Variants in GGPS1 observed in about 807,000 individuals in gnomAD.
The protein encoded by GGPS1 is geranylgeranyl diphosphate synthase 1.
GGPS1 carries 15 observed loss-of-function variants against 28.1 expected under a neutral mutation model. That is an observed-to-expected ratio of 0.53 (90% CI 0.36 to 0.82). GGPS1 has a LOEUF of 0.82. Ranked by LOEUF, GGPS1 falls within the 40% of genes least tolerant of loss-of-function variation. The probability of loss-of-function intolerance (pLI) is 0.01; values close to 1 mark genes in which losing one functional copy is unlikely to be tolerated. For synonymous variants in GGPS1, 138 were observed against 122.4 expected (o/e 1.13, Z -0.84); for missense variants, 284 against 348.3 (o/e 0.82, Z 1.47).
intron 2 of GGPS1, 83 bp downstream of exon 2, chr1:235,335,417 C>A: frequency 3.1e-6 from 2 of 652,144 alleles, no homozygotes; most frequent in South Asian, 1.9e-5. Context: ...AAAGGTTAGA[C>A]TTGCTAGCCG....
chr1:235,336,072 G>C (rs1675854307), intron 2 of GGPS1, among the ~76,000 whole-genome samples: 1 of 152,124 alleles, frequency 6.6e-6, no homozygotes, highest in African/African-American at 2.4e-5. Context: ...GTACGTGTGT[G>C]TTTTTGTTTT....
chr1:235,333,233 T>C (rs1675771432), intron 1 of GGPS1, among the ~76,000 whole-genome samples: 1 of 151,860 alleles, frequency 6.6e-6, no homozygotes, highest in African/African-American at 2.4e-5. Context: ...AAGATGCATA[T>C]TTAAATTGAA....
Position 235,331,322 on chromosome 1 carries a change from A to G in GGPS1, c.-24+2544A>G, listed in dbSNP as rs536759823. Among the ~76,000 whole-genome samples, 12 of 152,318 alleles carry G rather than the reference A, an allele frequency of 7.9e-5. No individual in the cohort carries two copies. The South Asian group carries it at 1.7e-3, about 21-fold the overall frequency. The stretch of plus-strand genomic sequence containing the variant: ...TTTCATATAGATAAGAACAGACTAC[A>G]AAAAAATATGCCTTTCAATCCTGAA... On this transcript the variant is annotated intron_variant, in intron 1 of 3. Coordinates refer to ENST00000282841, the MANE Select transcript of GGPS1 (RefSeq NM_004837.4).
chr1:235,336,486 A>C (rs561211335), intron 2 of GGPS1, among the ~76,000 whole-genome samples: 21 of 152,270 alleles, frequency 1.4e-4, no homozygotes, highest in Admixed American at 3.9e-4. Context: ...TTGTATTAGA[A>C]TATTCTTTCT....
Position 235,343,724 on chromosome 1 carries a change from C to T in GGPS1, c.*952C>T, listed in dbSNP as rs913078652. The T allele has an allele frequency of 1.2e-5, 2 of 166,670 alleles. No homozygotes were observed. Among genetic ancestry groups the T allele is most frequent in the African/African-American group, 4.8e-5 (2 of 41,298 alleles). 10.3% of individuals were successfully genotyped at this position (166,670 alleles called of 1,614,324 possible). On this transcript the variant is annotated 3_prime_UTR_variant, in exon 4 of 4. Coordinates refer to ENST00000282841, the MANE Select transcript of GGPS1 (RefSeq NM_004837.4). ...TTTCTCCCTTGTAACATTTATGTGCCCCAAACTGGTTAGTATATGGGTACA... is the reference window on the plus strand; with the variant it reads ...TTTCTCCCTTGTAACATTTATGTGCTCCAAACTGGTTAGTATATGGGTACA...
chr1:235,329,464 G>A (rs1675615538), intron 1 of GGPS1: 1 of 152,512 alleles, frequency 6.6e-6, no homozygotes, highest in East Asian at 1.9e-4. Flanking sequence ...GAGAATGAGG[G>A]AATTTGGCTT....
chr1:235,341,985 A>T, intron 3 of GGPS1, 26 bp from the exon 4 acceptor site: 1 of 1,378,830 alleles, frequency 7.3e-7, no homozygotes, highest in East Asian at 2.3e-5. Flanking sequence ...AGTTCAAATA[A>T]GTGAAATTTT....
Position 235,342,346 on chromosome 1 carries a change from A to G in GGPS1, c.477A>G (p.Ala159=). The G allele has an allele frequency of 6.2e-7, 1 of 1,613,908 alleles. No individual in the cohort carries two copies. Among genetic ancestry groups the G allele is most frequent in the Non-Finnish European group, 8.5e-7 (1 of 1,179,716 alleles). The change falls in exon 4 of 4, where the codon GCA becomes GCG. Residue 159 remains alanine (A), a synonymous_variant. Coordinates refer to ENST00000282841, the MANE Select transcript of GGPS1 (RefSeq NM_004837.4). ...LQKTGGLFGL[A]VGLMQLFSDY... The stretch of plus-strand genomic sequence containing the variant: ...AAACAGGTGGACTGTTTGGATTAGC[A>G]GTAGGTCTCATGCAGTTGTTCTCTG...
At position 235,337,914 on chromosome 1, in the gene GGPS1, TGCCTTA is replaced by T. The variant is rs764200740; in HGVS notation, c.70+2582_70+2587del. ...CATCTTATGTTTATGTTTGTTTATT[TGCCTTA>T]GTGTGGGGCCCTAGATGAGGTGAAG... On this transcript the variant is annotated intron_variant, in intron 2 of 3. Coordinates refer to ENST00000282841, the MANE Select transcript of GGPS1 (RefSeq NM_004837.4). Among the ~76,000 whole-genome samples, 340 of 152,150 alleles carry T rather than the reference TGCCTTA, an allele frequency of 2.2e-3. 1 individual carries two copies. The highest frequency in any genetic ancestry group is 3.6e-3 in the Non-Finnish European group (242 of 68,008).
At chr1:235,328,254 A>G (rs1396395371), upstream of GGPS1, 1 of 100,544 alleles carries the variant, frequency 9.9e-6, no homozygotes, top group South Asian at 3.5e-4. Context: ...CCCCTCCCCT[A>G]CCTCTTTCCC....
intron 1 of GGPS1, chr1:235,329,339 C>T (rs1490109772): frequency 6.6e-6 from 1 of 152,250 alleles, no homozygotes; most frequent in Non-Finnish European, 1.5e-5. Flanking sequence ...GCGCCGACCA[C>T]TGGGGTGGCC....
intron 2 of GGPS1, among the ~76,000 whole-genome samples, chr1:235,341,226 C>G (rs1385979849): frequency 6.6e-6 from 1 of 152,082 alleles, no homozygotes; most frequent in Non-Finnish European, 1.5e-5. Context: ...ACTCAGGAGG[C>G]TGAGGCACGA....
At chr1:235,335,194 G>T in intron 1 of GGPS1, 48 bp from the exon 2 acceptor site, 1 of 795,230 alleles carries the variant, frequency 1.3e-6, no homozygotes. Context: ...GTTTGACACT[G>T]AAAGATGATT....
chr1:235,327,693 T>C (rs1259766452), upstream of GGPS1: 2 of 152,430 alleles, frequency 1.3e-5, no homozygotes, highest in South Asian at 2.1e-4. Context: ...GATCTTCCTC[T>C]GCTCCTTGGC....
intron 1 of GGPS1, chr1:235,329,943 G>A (rs1019449890): frequency 2.0e-5 from 3 of 152,196 alleles, no homozygotes; most frequent in African/African-American, 7.2e-5. Flanking sequence ...ATTTCTGGCA[G>A]CTTTTTAGTT....
At chr1:235,329,331 GCCGA>G (rs1433328040) in intron 1 of GGPS1, 1 of 152,258 alleles carries the variant, frequency 6.6e-6, no homozygotes, top group Non-Finnish European at 1.5e-5. Flanking sequence ...GGTGTTGAGC[GCCGA>G]CCACTGGGGT....
intron 1 of GGPS1, among the ~76,000 whole-genome samples, chr1:235,332,400 ATTTTG>A (rs1675743267): frequency 6.6e-6 from 1 of 152,066 alleles, no homozygotes; most frequent in African/African-American, 2.4e-5. Context: ...ACATGATTTC[ATTTTG>A]TTTTAATGGC....
At chr1:235,341,165 A>G (rs1676032945) in intron 2 of GGPS1, among the ~76,000 whole-genome samples, 2 of 152,078 alleles carry the variant, frequency 1.3e-5, no homozygotes, top group South Asian at 2.1e-4. Flanking sequence ...CCCCCTTTCT[A>G]TAAAATATAC....
rs760735057 is a variant in GGPS1, at chr1:235,342,803, C to T, written c.*31C>T. On this transcript the variant is annotated 3_prime_UTR_variant, in exon 4 of 4. Transcript: ENST00000282841. ...AGCCATTCTTGATTGGACCTCATAG[C>T]TTATTTTAGTTAATCTTTTTTTTGT... The T allele has an allele frequency of 2.0e-5, 28 of 1,431,934 alleles. No homozygotes were observed. In the South Asian group the frequency reaches 2.7e-4, roughly 14 times the overall value. The allele number at this position is 1,431,934 out of a possible 1,614,324, so 88.7% of individuals were successfully genotyped here.
Sources: allele counts gnomAD v4.1 joint callset (sites outside exome capture counted in the v4.1 genomes callset), GRCh38; gene constraint gnomAD v4.1.1; transcripts MANE v1.5; gene names NCBI Gene and HGNC (gene_info 2026-07-23, HGNC 2026-07-21).